CSMD3: variants seen among roughly 807,000 people sequenced by gnomAD.
The protein encoded by CSMD3 is CUB and sushi domain-containing protein 3.
A neutral mutation model predicts 435.2 loss-of-function variants in CSMD3; 177 were observed. That is an observed-to-expected ratio of 0.41 (90% CI 0.36 to 0.46). The LOEUF (loss-of-function observed/expected upper bound fraction) is 0.46, where lower values mean the gene tolerates loss of function less well. CSMD3 is among the 20% of genes least tolerant of loss of function. CSMD3 has a pLI of 0.34. For missense variants in CSMD3, 4,265 were observed against 4,504.6 expected, an observed-to-expected ratio of 0.95 and a Z score of 1.52; for synonymous variants, 1,656 against 1,520.5, an observed-to-expected ratio of 1.09 and a Z score of -2.07.
chr8:113,273,803 T>C (rs1361617438), intron 3 of CSMD3, among the ~76,000 whole-genome samples: 1 of 152,150 alleles, frequency 6.6e-6, no homozygotes, highest in East Asian at 1.9e-4. Flanking sequence ...TATTATATGT[T>C]GATTAATCTT....
At chr8:112,226,076 A>C (rs1586444673) in intron 70 of CSMD3, among the ~76,000 whole-genome samples, 1 of 152,246 alleles carries the variant, frequency 6.6e-6, no homozygotes, top group East Asian at 1.9e-4. Context: ...ATTTTATTAT[A>C]ATTTGTAATT....
intron 13 of CSMD3, among the ~76,000 whole-genome samples, chr8:112,707,856 G>A (rs2076532309): frequency 6.6e-6 from 1 of 152,020 alleles, no homozygotes; most frequent in African/African-American, 2.4e-5. Flanking sequence ...AGTTGTATTT[G>A]GGATATACTG....
intron 14 of CSMD3, among the ~76,000 whole-genome samples, chr8:112,689,263 T>C (rs1346409674): frequency 6.6e-6 from 1 of 152,080 alleles, no homozygotes; most frequent in East Asian, 1.9e-4. Flanking sequence ...CAGCATTTAA[T>C]TGAGCACACC....
intron 4 of CSMD3, among the ~76,000 whole-genome samples, chr8:113,131,127 T>C (rs1022837445): frequency 7.2e-5 from 11 of 152,110 alleles, no homozygotes; most frequent in African/African-American, 2.4e-4. Context: ...AACATAAAAA[T>C]TTGGAAAATT....
chr8:112,747,552 C>A (rs975331450), intron 13 of CSMD3, among the ~76,000 whole-genome samples: 13 of 152,100 alleles, frequency 8.5e-5, no homozygotes, highest in African/African-American at 3.1e-4. Flanking sequence ...CTTTAAAAAA[C>A]ATAGTAAGTT....
chr8:113,317,399 G>A (rs1175284016), intron 1 of CSMD3, among the ~76,000 whole-genome samples: 2 of 152,054 alleles, frequency 1.3e-5, no homozygotes, highest in Non-Finnish European at 2.9e-5. Flanking sequence ...AACCCTGATA[G>A]TTTTAGAAAA....
chr8:112,478,865 CT>C (rs1563592132), intron 31 of CSMD3, among the ~76,000 whole-genome samples: 1 of 152,112 alleles, frequency 6.6e-6, no homozygotes, highest in Non-Finnish European at 1.5e-5. Flanking sequence ...CGAATGCTGC[CT>C]TTTCCAATAG....
chr8:112,467,722 AACAG>A (rs1818102239), intron 32 of CSMD3, among the ~76,000 whole-genome samples: 1 of 152,126 alleles, frequency 6.6e-6, no homozygotes, highest in Non-Finnish European at 1.5e-5. Context: ...AGCAAGAAAA[AACAG>A]ACAGACACAC....
intron 22 of CSMD3, among the ~76,000 whole-genome samples, chr8:112,630,269 T>C (rs972335338): frequency 6.6e-6 from 1 of 152,120 alleles, no homozygotes; most frequent in African/African-American, 2.4e-5. Flanking sequence ...TTAGTTATAA[T>C]ATTGAAGATA....
chr8:112,803,416 G>A (rs2079006020), intron 12 of CSMD3, among the ~76,000 whole-genome samples: 1 of 152,134 alleles, frequency 6.6e-6, no homozygotes, highest in African/African-American at 2.4e-5. Flanking sequence ...TGTGCCTCAT[G>A]CCCTAACCCT....
At chr8:113,406,889 TCCATCTA>T (rs2094535181) in intron 1 of CSMD3, among the ~76,000 whole-genome samples, 1 of 152,124 alleles carries the variant, frequency 6.6e-6, no homozygotes, top group Non-Finnish European at 1.5e-5. Context: ...TTTCAAAAAC[TCCATCTA>T]CTGTAGTTTA....
chr8:112,368,237 C>A (rs754290251), intron 38 of CSMD3, among the ~76,000 whole-genome samples: 1 of 152,072 alleles, frequency 6.6e-6, no homozygotes, highest in African/African-American at 2.4e-5. Context: ...CACCAGTAAC[C>A]CCTAATACAA....
chr8:112,534,734 G>T (rs1017410511), intron 27 of CSMD3, among the ~76,000 whole-genome samples: 129 of 151,950 alleles, frequency 8.5e-4, no homozygotes, highest in African/African-American at 2.3e-3. Context: ...CCAAAAAAGA[G>T]AATTTTAGAC....
intron 70 of CSMD3, among the ~76,000 whole-genome samples, chr8:112,227,990 C>T (rs935168702): frequency 2.6e-5 from 4 of 151,880 alleles, no homozygotes; most frequent in Middle Eastern, 3.2e-3. Flanking sequence ...TACAGTGAGC[C>T]GAGATTGTGC....
In CSMD3 at chr8:112,289,453, G is replaced by A. The variant is rs776212112; in HGVS notation, c.9060C>T (p.Ser3020=). 2 of 1,613,232 alleles carry A rather than the reference G, an allele frequency of 1.2e-6. No individual in the cohort carries two copies. Among genetic ancestry groups the A allele is most frequent in the African/African-American group, 1.3e-5 (1 of 74,980 alleles). ...KYTFGSTVHY[S]CTGKRSLLGQ... is the part of the protein sequence containing the mutation. Reference sequence around the variant, plus strand: ...CTAAAAGGGAACGCTTTCCTGTGCAGGAATAGTGAACAGTAGACCCAAAAG... The same window carrying A: ...CTAAAAGGGAACGCTTTCCTGTGCAAGAATAGTGAACAGTAGACCCAAAAG... Residue 3020 remains serine, a synonymous_variant, in exon 57 of 71, where the codon TCC becomes TCT. Transcript: ENST00000297405.
chr8:112,612,709 CTTTTTTTTTTTTTTTT>C (rs532290154), intron 22 of CSMD3, among the ~76,000 whole-genome samples: 1 of 65,888 alleles, frequency 1.5e-5, no homozygotes, highest in Non-Finnish European at 2.8e-5. Flanking sequence ...TTTCTTTGTT[CTTTTTTTTTTTTTTTT>C]TTTTTTTTTT....
chr8:112,256,722 T>C lies in CSMD3; in HGVS notation c.9863-1295A>G, dbSNP rs192112862. ...TAAATTTAACGATTTTCAAATGTAC[T>C]CGATTTTCAAATGTTCAGATTAAGC... is the stretch of plus-strand genomic sequence containing the variant. On this transcript the variant is annotated intron_variant, in intron 61 of 70. Transcript: ENST00000297405. 3.3e-4 allele frequency among the ~76,000 whole-genome samples: 51 copies of C among 152,318 alleles called. No homozygotes were observed. In the East Asian group the frequency reaches 6.2e-3, roughly 18 times the overall value.
In CSMD3 at chr8:113,173,743, A is replaced by C; in HGVS notation, c.688T>G (p.Phe230Val). Residue 230 changes from phenylalanine (F) to valine (V), a missense_variant, in exon 4 of 71, where the codon TTT (phenylalanine) becomes GTT (valine). Around this residue, in one of 3 missense-constraint regions of CSMD3, gnomAD observed 731 missense variants for 755.4 expected, o/e 0.97. Transcript: ENST00000297405. Reference protein sequence around the residue: ...ANSVNTASWDFPVPICRAEDA... With the variant: ...ANSVNTASWDVPVPICRAEDA... ...TTACCTCTACAGATAGGAACAGGAA[A>C]ATCCCACGAAGCTGTATTAACTGAA... 3.7e-6 allele frequency: 6 copies of C among 1,613,348 alleles called. No homozygotes were observed. Among genetic ancestry groups the C allele is most frequent in the Non-Finnish European group, 4.2e-6 (5 of 1,179,366 alleles).
intron 50 of CSMD3, 55 bp from the exon 51 acceptor site, chr8:112,306,247 T>G (rs771686973): frequency 2.5e-4 from 335 of 1,340,044 alleles, no homozygotes; most frequent in Non-Finnish European, 3.3e-4. Flanking sequence ...GTTTAATTTA[T>G]TAGGTAACTC....
Sources: gnomAD v4.1 joint callset for allele counts (sites outside exome capture counted in the v4.1 genomes callset) on GRCh38, gnomAD v4.1.1 for gene constraint, gnomAD v4.1.1 regional missense constraint, MANE v1.5 for transcripts, NCBI Gene and HGNC (gene_info 2026-07-23, HGNC 2026-07-21) for gene names.